The following SNTG1 variants were observed in gnomAD, a reference collection of about 807,000 sequenced individuals.
SNTG1 encodes the protein syntrophin gamma 1, also known as gamma-1-syntrophin.
SNTG1 carries 39 observed loss-of-function variants against 74.7 expected under a neutral mutation model. That is an observed-to-expected ratio of 0.52 (90% CI 0.40 to 0.68). The LOEUF (loss-of-function observed/expected upper bound fraction) is 0.68. Among genes scored for constraint, SNTG1 ranks in the 30% least tolerant of loss-of-function variants. The pLI is 0.00. For missense variants in SNTG1, 685 were observed against 609.5 expected (o/e 1.12, Z -1.30); for synonymous variants, 254 against 217.1 (o/e 1.17, Z -1.49).
chr8:50,000,136 C>A (rs1047416604), intron 1 of SNTG1, among the ~76,000 whole-genome samples: 1 of 152,150 alleles, frequency 6.6e-6, no homozygotes, highest in South Asian at 2.1e-4. Flanking sequence ...CCACACTGGT[C>A]CAGATGTCAT....
intron 11 of SNTG1, among the ~76,000 whole-genome samples, chr8:50,552,598 A>G (rs2130601650): frequency 6.6e-6 from 1 of 152,316 alleles, no homozygotes; most frequent in Admixed American, 6.5e-5. Context: ...GTTATCATCT[A>G]GTGACTTTTT....
intron 1 of SNTG1, among the ~76,000 whole-genome samples, chr8:50,146,934 A>T (rs1244791786): frequency 6.6e-6 from 1 of 151,790 alleles, no homozygotes; most frequent in African/African-American, 2.4e-5. Flanking sequence ...CACATATATG[A>T]TTTGCAAATA....
At chr8:50,005,626 A>G (rs1329878332) in intron 1 of SNTG1, among the ~76,000 whole-genome samples, 1 of 152,164 alleles carries the variant, frequency 6.6e-6, no homozygotes, top group Non-Finnish European at 1.5e-5. Flanking sequence ...ACCTTATTGC[A>G]TTATTTTGAA....
chr8:50,416,359 A>T (rs2093013696), intron 4 of SNTG1, among the ~76,000 whole-genome samples: 1 of 152,180 alleles, frequency 6.6e-6, no homozygotes, highest in African/African-American at 2.4e-5. Flanking sequence ...TAAGTCTGTT[A>T]CTTTCCTATA....
Position 50,438,592 on chromosome 8 carries a change from G to A in SNTG1, c.212G>A (p.Ser71Asn), listed in dbSNP as rs138304240. The change falls in exon 5 of 19, where the codon AGC (serine) becomes AAC (asparagine). Residue 71 changes from serine to asparagine, a missense_variant. Physicochemically the swap from Ser to Asn is conservative, Grantham distance 46. Coordinates refer to ENST00000642720, the MANE Select transcript of SNTG1 (RefSeq NM_018967.5). ...CAAACAGTAGGAGGATTTGGATTAA[G>A]CATAAAGGTAGCCTGCCTTTCTAGT... ...RRQTVGGFGLSIKGGAEHNIP... is the reference protein window; with the variant it reads ...RRQTVGGFGLNIKGGAEHNIP... 5.0e-6 allele frequency: 8 copies of A among 1,612,868 alleles called. No individual in the cohort carries two copies. The Admixed American group carries it at 8.3e-5, about 17-fold the overall frequency.
chr8:50,405,307 G>A (rs2092858638), intron 4 of SNTG1, among the ~76,000 whole-genome samples: 2 of 152,036 alleles, frequency 1.3e-5, no homozygotes, highest in Non-Finnish European at 1.5e-5. Flanking sequence ...TTCATGCCAA[G>A]CCTGTTGTTT....
At chr8:50,117,408 T>G (rs2080860030) in intron 1 of SNTG1, among the ~76,000 whole-genome samples, 1 of 152,112 alleles carries the variant, frequency 6.6e-6, no homozygotes, top group African/African-American at 2.4e-5. Flanking sequence ...AAGAAAGAAT[T>G]GTCCTTATCT....
intron 1 of SNTG1, among the ~76,000 whole-genome samples, chr8:50,144,221 CT>C (rs1307198286): frequency 6.6e-6 from 1 of 152,198 alleles, no homozygotes; most frequent in Non-Finnish European, 1.5e-5. Context: ...AAATGACCTA[CT>C]TTTTAGACAA....
intron 1 of SNTG1, among the ~76,000 whole-genome samples, chr8:50,158,058 T>C (rs964704039): frequency 1.3e-5 from 2 of 152,142 alleles, no homozygotes; most frequent in African/African-American, 4.8e-5. Context: ...TGACATTGTT[T>C]GGGTGGCAAA....
intron 2 of SNTG1, among the ~76,000 whole-genome samples, chr8:50,249,072 A>G (rs545267010): frequency 6.6e-6 from 1 of 152,224 alleles, no homozygotes; most frequent in African/African-American, 2.4e-5. Context: ...CTACTAGATC[A>G]GATCACAGAC....
At chr8:50,529,314 T>C (rs1277727907) in intron 9 of SNTG1, among the ~76,000 whole-genome samples, 1 of 151,928 alleles carries the variant, frequency 6.6e-6, no homozygotes, top group African/African-American at 2.4e-5. Flanking sequence ...CCCATCTTAG[T>C]TCCAGGAAAA....
intron 9 of SNTG1, among the ~76,000 whole-genome samples, chr8:50,516,058 T>G (rs1034849201): frequency 6.6e-6 from 1 of 152,024 alleles, no homozygotes; most frequent in Non-Finnish European, 1.5e-5. Context: ...CTGGCTGGCA[T>G]CTGGCAGGTA....
rs55714316 is a variant in SNTG1 at position 49,916,176 on chromosome 8, A to ATT, written c.-103+3953_-103+3954dup. Among the ~76,000 whole-genome samples, 286 of 147,888 alleles carry ATT rather than the reference A, an allele frequency of 1.9e-3. 4 individuals are homozygous for ATT. In the East Asian group the frequency reaches 0.035, roughly 18 times the overall value. ...TCACTTACTTAGTAATATAATTCAG[A>ATT]TTTTTTTTTGTCAAATACACACACA... On this transcript the variant is annotated intron_variant, in intron 1 of 18. Transcript: ENST00000642720.
rs372024935 is a variant in SNTG1 at position 50,124,457 on chromosome 8, T to C, written c.-102-48104T>C. On this transcript the variant is annotated intron_variant, in intron 1 of 18. Transcript: ENST00000642720. ...GTAATGAATCATTGTTCAGAAATTT[T>C]TTAATAGACTGTGTAAAATAGTATT... 2.0e-4 allele frequency among the ~76,000 whole-genome samples: 29 copies of C among 142,662 alleles called. 3 individuals are homozygous for C. In the East Asian group the frequency reaches 2.8e-3, roughly 14 times the overall value. The allele number at this position is 142,662 out of a possible 152,430, so 93.6% of individuals were successfully genotyped here.
At chr8:50,540,276 C>G (rs141033389) in intron 11 of SNTG1, among the ~76,000 whole-genome samples, 1 of 152,012 alleles carries the variant, frequency 6.6e-6, no homozygotes, top group Non-Finnish European at 1.5e-5. Flanking sequence ...GACCTATGGA[C>G]TATTTAAAAG....
chr8:50,136,783 C>T (rs1563644103), intron 1 of SNTG1, among the ~76,000 whole-genome samples: 1 of 152,122 alleles, frequency 6.6e-6, no homozygotes. Context: ...AACAGACCTA[C>T]AGGCCTATTA....
At chr8:50,062,028 T>G (rs1820517326) in intron 1 of SNTG1, among the ~76,000 whole-genome samples, 1 of 152,090 alleles carries the variant, frequency 6.6e-6, no homozygotes, top group Non-Finnish European at 1.5e-5. Context: ...ATATTGAAAG[T>G]AAGATGATGG....
At chr8:50,081,955 T>G (rs981539284) in intron 1 of SNTG1, among the ~76,000 whole-genome samples, 13 of 152,198 alleles carry the variant, frequency 8.5e-5, no homozygotes, top group Non-Finnish European at 1.5e-4. Flanking sequence ...TAATCTTCTT[T>G]CTCCCTGTGC....
chr8:50,689,734 C>T (rs1344133570), intron 15 of SNTG1, among the ~76,000 whole-genome samples: 1 of 152,078 alleles, frequency 6.6e-6, no homozygotes, highest in Non-Finnish European at 1.5e-5. Context: ...CTCTGCCAGG[C>T]TTTGGTATCA....
Sources: gnomAD v4.1 joint callset for allele counts (sites outside exome capture counted in the v4.1 genomes callset) on GRCh38, gnomAD v4.1.1 for gene constraint, MANE v1.5 for transcripts, NCBI Gene and HGNC (gene_info 2026-07-23, HGNC 2026-07-21) for gene names.